The following ARMCX3 variants were observed in gnomAD, a reference collection of about 807,000 sequenced individuals.
The protein encoded by ARMCX3 is armadillo repeat-containing X-linked protein 3.
In ARMCX3, 3 loss-of-function variants were observed where a neutral mutation model predicts 12.6. The observed-to-expected ratio is 0.24, with a 90% CI of 0.11 to 0.61. ARMCX3 has a LOEUF of 0.61. Ranked by LOEUF, ARMCX3 falls within the 20% of genes least tolerant of loss-of-function variation. The pLI, the probability that ARMCX3 is intolerant of heterozygous loss-of-function variation, is 0.88. For missense variants in ARMCX3, 204 were observed against 286.1 expected, an observed-to-expected ratio of 0.71 and a Z score of 2.07; for synonymous variants, 102 against 103.1, an observed-to-expected ratio of 0.99 and a Z score of 0.06.
In ARMCX3 at chrX:101,626,147, C is replaced by G; in HGVS notation, c.*28C>G. ...CCTTGATTTTGTAATTTAGAAGCAA[C>G]ACACATTGTAAACTATTCATTTTCT... On this transcript the variant is annotated 3_prime_UTR_variant, in exon 5 of 5. Coordinates refer to ENST00000471229, the MANE Select transcript of ARMCX3 (RefSeq NM_177947.3). 7 of 1,115,289 alleles carry G rather than the reference C, an allele frequency of 6.3e-6. No individual in the cohort carries two copies. The highest frequency in any genetic ancestry group is 8.3e-6 in the Non-Finnish European group (7 of 839,255). 91.9% of individuals were successfully genotyped at this position (1,115,289 alleles called of 1,213,427 possible). A position where few individuals can be genotyped will look rare whatever the true frequency, so the allele number is the denominator to read the frequency against.
Position 101,625,965 on chromosome X carries a change from G to A in ARMCX3, c.986G>A (p.Gly329Asp). The change falls in exon 5 of 5, where the codon GGT (glycine) becomes GAT (aspartate). Residue 329 changes from glycine to aspartate, a missense_variant. Coordinates refer to ENST00000471229, the MANE Select transcript of ARMCX3 (RefSeq NM_177947.3). ...AATGAACCTACTCAGAATCAATTCG[G>A]TGAAGGTTCACTTTTTTTCTTTTTA... ...EENEPTQNQF[G>D]EGSLFFFLKE... The A allele has an allele frequency of 1.7e-6, 2 of 1,207,630 alleles. No homozygotes were observed. The highest frequency in any genetic ancestry group is 2.2e-6 in the Non-Finnish European group (2 of 894,415).
At position 101,625,823 on chromosome X, in the gene ARMCX3, A is replaced by G. The variant is rs1394808823; in HGVS notation, c.844A>G (p.Arg282Gly). ...TCCAGCCATGACTAGGGAACTGCTC[A>G]GGGCCCAAGTACCATCTTCACTGGG... is the stretch of plus-strand genomic sequence containing the variant. ...ENPAMTRELL[R>G]AQVPSSLGSL... Residue 282 changes from arginine (R) to glycine (G), a missense_variant, in exon 5 of 5, where the codon AGG becomes GGG. Arg to Gly is a moderately radical substitution (Grantham distance 125). Coordinates refer to ENST00000471229, the MANE Select transcript of ARMCX3 (RefSeq NM_177947.3). The G allele has an allele frequency of 3.3e-6, 4 of 1,203,219 alleles. No homozygotes were observed. Among genetic ancestry groups the G allele is most frequent in the Non-Finnish European group, 4.5e-6 (4 of 891,746 alleles).
Position 101,625,877 on chromosome X carries a change from G to A in ARMCX3, c.898G>A (p.Glu300Lys), listed in dbSNP as rs781925495. 1 of 1,204,291 alleles carries A rather than the reference G, an allele frequency of 8.3e-7. No individual in the cohort carries two copies. The highest frequency in any genetic ancestry group is 1.1e-6 in the Non-Finnish European group (1 of 892,241). Reference sequence around the variant, plus strand: ...CCTCTTTAATAAGAAGGAGAACAAAGAAGTTATTCTTAAACTTCTGGTCAT... The same window carrying A: ...CCTCTTTAATAAGAAGGAGAACAAAAAAGTTATTCTTAAACTTCTGGTCAT... Reference protein sequence around the residue: ...GSLFNKKENKEVILKLLVIFE... With the variant: ...GSLFNKKENKKVILKLLVIFE... The change falls in exon 5 of 5, where the codon GAA becomes AAA. Residue 300 changes from glutamate (E) to lysine (K), a missense_variant. Coordinates refer to ENST00000471229, the MANE Select transcript of ARMCX3 (RefSeq NM_177947.3).
In ARMCX3 at chrX:101,625,278, G is replaced by C; in HGVS notation, c.299G>C (p.Arg100Pro). Residue 100 changes from arginine to proline, a missense_variant, in exon 5 of 5, where the codon CGG (arginine) becomes CCG (proline). By Grantham distance (103) the Arg-to-Pro change is moderately radical. Transcript: ENST00000471229. ...GCCAGGGCAAGGGCCAGGGCTACCC[G>C]GGCACGTCGGGCTGTCCAGAAACGG... Reference protein sequence around the residue: ...ARARARARATRARRAVQKRAS... With the variant: ...ARARARARATPARRAVQKRAS... The C allele has an allele frequency of 8.3e-7, 1 of 1,207,219 alleles. No homozygotes were observed. The highest frequency in any genetic ancestry group is 1.8e-5 in the South Asian group (1 of 55,753).
intron 1 of ARMCX3, 193 bp downstream of exon 1, chrX:101,623,469 G>T (rs1016166421): frequency 8.9e-6 from 1 of 112,331 alleles, no homozygotes; most frequent in African/African-American, 3.2e-5. Context: ...TCAGAGACTG[G>T]GAAATGGGAA....
Position 101,626,317 on chromosome X carries a change from C to T in ARMCX3, c.*198C>T. 2.9e-6 allele frequency: 1 copy of T among 346,042 alleles called. No individual in the cohort carries two copies. Among genetic ancestry groups the T allele is most frequent in the Non-Finnish European group, 5.0e-6 (1 of 200,546 alleles). 28.5% of individuals were successfully genotyped at this position (346,042 alleles called of 1,213,427 possible). A position where few individuals can be genotyped will look rare whatever the true frequency, so the allele number is the denominator to read the frequency against. ...TGAATATCACTACTTGTTCTGAAAA[C>T]ATGTTTGTTGCTTTTTATCTCGCTG... On this transcript the variant is annotated 3_prime_UTR_variant, in exon 5 of 5. Transcript: ENST00000471229.
At position 101,626,098 on chromosome X, in the gene ARMCX3, G is replaced by A. The variant is rs782704817; in HGVS notation, c.1119G>A (p.Met373Ile). Residue 373 changes from methionine (M) to isoleucine (I), a missense_variant, in exon 5 of 5, where the codon ATG becomes ATA. Physicochemically the swap from Met to Ile is conservative, Grantham distance 10. Coordinates refer to ENST00000471229, the MANE Select transcript of ARMCX3 (RefSeq NM_177947.3). ...GKFMAKLAEH[M>I]FPKSQE is the part of the protein sequence containing the mutation. ...TCATGGCCAAACTTGCTGAACATAT[G>A]TTCCCAAAGAGCCAGGAATAACACC... The A allele has an allele frequency of 3.4e-6, 4 of 1,176,425 alleles. No homozygotes were observed. Among genetic ancestry groups the A allele is most frequent in the South Asian group, 4.0e-5 (2 of 50,390 alleles).
At position 101,624,948 on chromosome X, in the gene ARMCX3, C is replaced by T. The variant is rs1935961267; in HGVS notation, c.-32C>T. On this transcript the variant is annotated 5_prime_UTR_variant, in exon 5 of 5. Transcript: ENST00000471229. ...CCCCAGCCTGAGTGACTACTCTATTCCTTGGTCCCTGCTATTGTCGGGGAC... is the reference window on the plus strand; with the variant it reads ...CCCCAGCCTGAGTGACTACTCTATTTCTTGGTCCCTGCTATTGTCGGGGAC... 2.7e-6 allele frequency: 3 copies of T among 1,110,688 alleles called. No homozygotes were observed. Among genetic ancestry groups the T allele is most frequent in the East Asian group, 6.3e-5 (2 of 31,932 alleles). 91.5% of individuals were successfully genotyped at this position (1,110,688 alleles called of 1,213,427 possible). A position where few individuals can be genotyped will look rare whatever the true frequency, so the allele number is the denominator to read the frequency against.
In ARMCX3 at chrX:101,625,399, A is replaced by T. The variant is rs1935969947; in HGVS notation, c.420A>T (p.Glu140Asp). 1 of 1,208,627 alleles carries T rather than the reference A, an allele frequency of 8.3e-7. No individual in the cohort carries two copies. The highest frequency in any genetic ancestry group is 3.0e-5 in the East Asian group (1 of 33,842). Reference sequence around the variant, plus strand: ...TGTCTGAAAAGCCTTATATTCTTGAAGCAGCTTTAATTGCTCTGGGTAACA... The same window carrying T: ...TGTCTGAAAAGCCTTATATTCTTGATGCAGCTTTAATTGCTCTGGGTAACA... ...VEMSEKPYIL[E>D]AALIALGNNA... The change falls in exon 5 of 5, where the codon GAA becomes GAT. Residue 140 changes from glutamate to aspartate, a missense_variant. Coordinates refer to ENST00000471229, the MANE Select transcript of ARMCX3 (RefSeq NM_177947.3).
In ARMCX3 at chrX:101,626,101, C is replaced by T. The variant is rs1348617843; in HGVS notation, c.1122C>T (p.Phe374=). 1 of 1,171,092 alleles carries T rather than the reference C, an allele frequency of 8.5e-7. No individual in the cohort carries two copies. Among genetic ancestry groups the T allele is most frequent in the Middle Eastern group, 2.4e-4 (1 of 4,180 alleles). ...TGGCCAAACTTGCTGAACATATGTT[C>T]CCAAAGAGCCAGGAATAACACCTTG... The part of the protein sequence containing the change: ...KFMAKLAEHM[F]PKSQE The change falls in exon 5 of 5, where the codon TTC becomes TTT. Residue 374 remains phenylalanine (F), a synonymous_variant. Transcript: ENST00000471229.
At position 101,625,923 on chromosome X, in the gene ARMCX3, A is replaced by G; in HGVS notation, c.944A>G (p.Asn315Ser). Residue 315 changes from asparagine to serine, a missense_variant, in exon 5 of 5, where the codon AAT (asparagine) becomes AGT (serine). By Grantham distance (46) the Asn-to-Ser change is conservative (BLOSUM62 1). Coordinates refer to ENST00000471229, the MANE Select transcript of ARMCX3 (RefSeq NM_177947.3). ...GTCATATTTGAGAACATAAATGATA[A>G]TTTCAAATGGGAAGAAAATGAACCT... Reference protein sequence around the residue: ...LLVIFENINDNFKWEENEPTQ... With the variant: ...LLVIFENINDSFKWEENEPTQ... The G allele has an allele frequency of 8.3e-7, 1 of 1,199,355 alleles. No homozygotes were observed. The highest frequency in any genetic ancestry group is 1.1e-6 in the Non-Finnish European group (1 of 890,692).
In ARMCX3 at chrX:101,625,912, C is replaced by T. The variant is rs1209984588; in HGVS notation, c.933C>T (p.Asn311=). ...TTAAACTTCTGGTCATATTTGAGAA[C>T]ATAAATGATAATTTCAAATGGGAAG... is the stretch of plus-strand genomic sequence containing the variant. The part of the protein sequence containing the change: ...VILKLLVIFE[N]INDNFKWEEN... The change falls in exon 5 of 5, where the codon AAC becomes AAT. Residue 311 remains asparagine, a synonymous_variant. Coordinates refer to ENST00000471229, the MANE Select transcript of ARMCX3 (RefSeq NM_177947.3). 8.4e-7 allele frequency: 1 copy of T among 1,196,483 alleles called. No individual in the cohort carries two copies. Among genetic ancestry groups the T allele is most frequent in the African/African-American group, 1.8e-5 (1 of 56,470 alleles).
chrX:101,624,989 G>C lies in ARMCX3; in HGVS notation c.10G>C (p.Ala4Pro). 5.3e-6 allele frequency: 6 copies of C among 1,135,775 alleles called. No homozygotes were observed. Among genetic ancestry groups the C allele is most frequent in the Non-Finnish European group, 5.8e-6 (5 of 860,244 alleles). 93.6% of individuals were successfully genotyped at this position (1,135,775 alleles called of 1,213,427 possible). A position where few individuals can be genotyped will look rare whatever the true frequency, so the allele number is the denominator to read the frequency against. The change falls in exon 5 of 5, where the codon GCC (alanine) becomes CCC (proline). Residue 4 changes from alanine to proline, a missense_variant. Transcript: ENST00000471229. Reference sequence around the variant, plus strand: ...TGTCGGGGACGATTGCATGGGCTACGCCAGGAAAGTAGGCTGGGTGACCGC... The same window carrying C: ...TGTCGGGGACGATTGCATGGGCTACCCCAGGAAAGTAGGCTGGGTGACCGC... MGY[A>P]RKVGWVTAGL...
chrX:101,624,990 C>T lies in ARMCX3; in HGVS notation c.11C>T (p.Ala4Val), dbSNP rs200151007. MGY[A>V]RKVGWVTAGL... Reference sequence around the variant, plus strand: ...GTCGGGGACGATTGCATGGGCTACGCCAGGAAAGTAGGCTGGGTGACCGCA... The same window carrying T: ...GTCGGGGACGATTGCATGGGCTACGTCAGGAAAGTAGGCTGGGTGACCGCA... Residue 4 changes from alanine (A) to valine (V), a missense_variant, in exon 5 of 5, where the codon GCC (alanine) becomes GTC (valine). Ala to Val is a moderately conservative substitution (Grantham distance 64). Transcript: ENST00000471229. 234 of 1,134,795 alleles carry T rather than the reference C, an allele frequency of 2.1e-4. 1 individual carries two copies. The Middle Eastern group carries it at 7.5e-3, about 36-fold the overall frequency. 93.5% of individuals were successfully genotyped at this position (1,134,795 alleles called of 1,213,427 possible).
Position 101,625,218 on chromosome X carries a change from C to T in ARMCX3, c.239C>T (p.Ala80Val), listed in dbSNP as rs782696028. 1 of 1,211,299 alleles carries T rather than the reference C, an allele frequency of 8.3e-7. No homozygotes were observed. The highest frequency in any genetic ancestry group is 1.8e-5 in the South Asian group (1 of 56,930). Residue 80 changes from alanine (A) to valine (V), a missense_variant, in exon 5 of 5, where the codon GCT becomes GTT. Coordinates refer to ENST00000471229, the MANE Select transcript of ARMCX3 (RefSeq NM_177947.3). ...AGTATAGTATGGTACCCACCTTGGGCTCGGATTGGGACTGAAGCTGGAACC... is the reference window on the plus strand; with the variant it reads ...AGTATAGTATGGTACCCACCTTGGGTTCGGATTGGGACTGAAGCTGGAACC... ...SKSIVWYPPWARIGTEAGTRA... is the reference protein window; with the variant it reads ...SKSIVWYPPWVRIGTEAGTRA...
chrX:101,625,978 T>G lies in ARMCX3; in HGVS notation c.999T>G (p.Leu333=), dbSNP rs1392397761. ...AGAATCAATTCGGTGAAGGTTCACT[T>G]TTTTTCTTTTTAAAAGAATTTCAAG... ...PTQNQFGEGS[L]FFFLKEFQVC... is the part of the protein sequence containing the mutation. The change falls in exon 5 of 5, where the codon CTT becomes CTG. Residue 333 remains leucine (L), a synonymous_variant. Transcript: ENST00000471229. 8.3e-7 allele frequency: 1 copy of G among 1,209,435 alleles called. No individual in the cohort carries two copies. The highest frequency in any genetic ancestry group is 1.8e-5 in the South Asian group (1 of 56,063).
rs1556038194 is a variant in ARMCX3, at chrX:101,624,863, T to G, written c.-117T>G. On this transcript the variant is annotated 5_prime_UTR_variant, in exon 5 of 5. Coordinates refer to ENST00000471229, the MANE Select transcript of ARMCX3 (RefSeq NM_177947.3). The stretch of plus-strand genomic sequence containing the variant: ...ACCCCCAGAATCAGCTCTTGTGGCC[T>G]TGAAGTGGCTGAAGACGATCACCCT... The G allele has an allele frequency of 1.4e-6, 1 of 695,123 alleles. No homozygotes were observed. The highest frequency in any genetic ancestry group is 2.2e-5 in the African/African-American group (1 of 44,742). 57.3% of individuals were successfully genotyped at this position (695,123 alleles called of 1,213,427 possible).
In ARMCX3 at chrX:101,626,393, A is replaced by C; in HGVS notation, c.*274A>C. ...CTTCTGCATAAGTGACAGTGAACCA[A>C]TTCATCATGAGTAAGCTCCCTTCTG... On this transcript the variant is annotated 3_prime_UTR_variant, in exon 5 of 5. Transcript: ENST00000471229. 1 of 250,611 alleles carries C rather than the reference A, an allele frequency of 4.0e-6. No homozygotes were observed. Among genetic ancestry groups the C allele is most frequent in the Non-Finnish European group, 7.4e-6 (1 of 134,927 alleles). 20.7% of individuals were successfully genotyped at this position (250,611 alleles called of 1,213,427 possible).
At chrX:101,623,469 G>A (rs1016166421) in intron 1 of ARMCX3, 193 bp downstream of exon 1, 1 of 112,331 alleles carries the variant, frequency 8.9e-6, no homozygotes, top group Admixed American at 9.4e-5. Context: ...TCAGAGACTG[G>A]GAAATGGGAA....
Sources: gnomAD v4.1 joint callset for allele counts on GRCh38, gnomAD v4.1.1 for gene constraint, MANE v1.5 for transcripts, NCBI Gene and HGNC (gene_info 2026-07-23, HGNC 2026-07-21) for gene names.